LRRIQ4: variants seen among roughly 807,000 people sequenced by gnomAD.
LRRIQ4 encodes the protein leucine-rich repeat and IQ domain-containing protein 4.
Under a neutral mutation model 40.1 loss-of-function variants are expected in LRRIQ4, and 21 were observed. The observed-to-expected ratio is 0.52, with a 90% CI of 0.37 to 0.75. LRRIQ4 has a LOEUF of 0.75. LRRIQ4 is among the 30% of genes least tolerant of loss of function. The pLI is 0.00. For missense variants in LRRIQ4, 655 were observed against 660.0 expected (o/e 0.99, Z 0.08); for synonymous variants, 277 against 277.1 (o/e 1.00, Z 0.00).
rs1560614694 is a variant in LRRIQ4 at position 169,830,627 on chromosome 3, C to T, written c.1330C>T (p.Gln444Ter). 6.2e-7 allele frequency: 1 copy of T among 1,613,836 alleles called. No individual in the cohort carries two copies. The highest frequency in any genetic ancestry group is 8.5e-7 in the Non-Finnish European group (1 of 1,179,840). ...KQLPDAICQA[Q>*]ALKELRLEDN... Reference sequence around the variant, plus strand: ...ACTTCCAGATGCCATTTGCCAAGCACAAGGTGAGGAAACTTAGTAGATTCA... The same window carrying T: ...ACTTCCAGATGCCATTTGCCAAGCATAAGGTGAGGAAACTTAGTAGATTCA... The change falls in exon 4 of 6, where the codon CAA becomes TAA. Residue 444 changes from glutamine (Q) to a stop codon, truncating the protein, a stop_gained. Coordinates refer to ENST00000340806, the MANE Select transcript of LRRIQ4 (RefSeq NM_001080460.3). LOFTEE classifies it high-confidence loss of function.
At chr3:169,824,476 A>G (rs1779995607) in intron 2 of LRRIQ4, among the ~76,000 whole-genome samples, 1 of 151,910 alleles carries the variant, frequency 6.6e-6, no homozygotes, top group Admixed American at 6.6e-5. Flanking sequence ...ATTATTTTAT[A>G]ATATTCTATT....
At chr3:169,829,891 T>C (rs1327820638) in intron 3 of LRRIQ4, among the ~76,000 whole-genome samples, 1 of 152,256 alleles carries the variant, frequency 6.6e-6, no homozygotes, top group Non-Finnish European at 1.5e-5. Context: ...GTTCTCACTA[T>C]GACACAGGGT....
chr3:169,813,591 C>T (rs1208874606), intron 1 of LRRIQ4, among the ~76,000 whole-genome samples: 8 of 152,162 alleles, frequency 5.3e-5, no homozygotes, highest in African/African-American at 1.2e-4. Flanking sequence ...ACACCATAAA[C>T]GACTTTGTAA....
At chr3:169,830,377 GAAAAAAAAAAAAAAAAAAA>G (rs56795981) in intron 3 of LRRIQ4, 96 bp from the exon 4 acceptor site, 1,545 of 106,730 alleles carry the variant, frequency 0.014, 83 homozygotes, top group African/African-American at 0.082. Context: ...CACTGAAAGT[GAAAAAAAAAAAAAAAAAAA>G]AAAAAAAAAA....
In LRRIQ4 at chr3:169,833,129, G is replaced by A. The variant is rs2108185839; in HGVS notation, c.1476G>A (p.Glu492=). ...PPKEVCAEGN[E]AIWKYLKENR... ...AAGAAGTGTGTGCTGAAGGCAATGA[G>A]GCCATATGGAAATACCTCAAGGAAA... The change falls in exon 5 of 6, where the codon GAG becomes GAA. Residue 492 remains glutamate (E), a synonymous_variant. Transcript: ENST00000340806. 1.2e-6 allele frequency: 2 copies of A among 1,613,934 alleles called. No homozygotes were observed. The highest frequency in any genetic ancestry group is 2.2e-5 in the East Asian group (1 of 44,872).
intron 2 of LRRIQ4, among the ~76,000 whole-genome samples, chr3:169,825,732 T>G (rs77950876): frequency 0.069 from 10,525 of 152,296 alleles, 472 homozygotes; most frequent in Middle Eastern, 0.12. Flanking sequence ...ATACCAAGTT[T>G]TAGCACAAGT....
chr3:169,837,140 G>T (rs1351580812), intron 5 of LRRIQ4, among the ~76,000 whole-genome samples: 1 of 152,166 alleles, frequency 6.6e-6, no homozygotes, highest in Non-Finnish European at 1.5e-5. Flanking sequence ...ACTCTCCATA[G>T]CACTCATCAC....
In LRRIQ4 at chr3:169,822,926, C is replaced by T. The variant is rs368472770; in HGVS notation, c.1005C>T (p.Asp335=). ...LKNLEVLGLD[D]NKIGQLPSEL... ...ACCTTGAAGTCCTGGGACTGGATGACAATAAAATAGGACAGGTACGGATTC... is the reference window on the plus strand; with the variant it reads ...ACCTTGAAGTCCTGGGACTGGATGATAATAAAATAGGACAGGTACGGATTC... Residue 335 remains aspartate, a synonymous_variant, in exon 2 of 6, where the codon GAC becomes GAT. Transcript: ENST00000340806. 3 of 1,538,404 alleles carry T rather than the reference C, an allele frequency of 2.0e-6. No individual in the cohort carries two copies. The highest frequency in any genetic ancestry group is 2.6e-6 in the Non-Finnish European group (3 of 1,144,948).
Position 169,833,001 on chromosome 3 carries a change from C to A in LRRIQ4, c.1348C>A (p.Arg450=), listed in dbSNP as rs778830136. Residue 450 remains arginine (R), a synonymous_variant, in exon 5 of 6, where the codon CGG becomes AGG. Coordinates refer to ENST00000340806, the MANE Select transcript of LRRIQ4 (RefSeq NM_001080460.3). The part of the protein sequence containing the change: ...ICQAQALKEL[R]LEDNLLTHLP... Reference sequence around the variant, plus strand: ...AATCTTTTCAGCTTTGAAAGAATTACGGCTGGAGGACAACTTGCTCACCCA... The same window carrying A: ...AATCTTTTCAGCTTTGAAAGAATTAAGGCTGGAGGACAACTTGCTCACCCA... 2 of 1,610,146 alleles carry A rather than the reference C, an allele frequency of 1.2e-6. No individual in the cohort carries two copies. Among genetic ancestry groups the A allele is most frequent in the East Asian group, 2.2e-5 (1 of 44,862 alleles).
rs183204325 is a variant in LRRIQ4, at chr3:169,822,329, C to A, written c.408C>A (p.Val136=). Residue 136 remains valine, a synonymous_variant, in exon 2 of 6, where the codon GTC becomes GTA. Coordinates refer to ENST00000340806, the MANE Select transcript of LRRIQ4 (RefSeq NM_001080460.3). ...CCGACCTGAAGGAAATTCCCGTCGT[C>A]ATCTTTAAAAACCTCCACCATCTCG... ...YQTDLKEIPV[V]IFKNLHHLEL... 211 of 1,613,914 alleles carry A rather than the reference C, an allele frequency of 1.3e-4. 2 individuals are homozygous for A. In the African/African-American group the frequency reaches 2.6e-3, roughly 20 times the overall value.
At chr3:169,815,762 C>A (rs538060104) in intron 1 of LRRIQ4, among the ~76,000 whole-genome samples, 2 of 152,316 alleles carry the variant, frequency 1.3e-5, no homozygotes, top group South Asian at 4.1e-4. Context: ...CAGTATGATA[C>A]TACCTACGGG....
intron 1 of LRRIQ4, among the ~76,000 whole-genome samples, chr3:169,814,636 C>T (rs1162644437): frequency 6.6e-6 from 1 of 152,268 alleles, no homozygotes; most frequent in Non-Finnish European, 1.5e-5. Context: ...CAGGCGCCCC[C>T]CACTACGCCC....
chr3:169,824,910 C>T (rs1184128579), intron 2 of LRRIQ4, among the ~76,000 whole-genome samples: 1 of 152,016 alleles, frequency 6.6e-6, no homozygotes, highest in Non-Finnish European at 1.5e-5. Context: ...CAACTATAAT[C>T]AAATAATAGG....
chr3:169,822,964 T>A, intron 2 of LRRIQ4, 23 bp downstream of exon 2: 1 of 1,491,954 alleles, frequency 6.7e-7, no homozygotes. Flanking sequence ...TTTCTGGCTG[T>A]CACTATGCTC....
At chr3:169,814,517 G>T (rs1436221976) in intron 1 of LRRIQ4, among the ~76,000 whole-genome samples, 1 of 151,788 alleles carries the variant, frequency 6.6e-6, no homozygotes, top group Admixed American at 6.6e-5. Context: ...ACAGAGTCTC[G>T]CTCTGTGGTC....
At chr3:169,824,056 A>G (rs1779981537) in intron 2 of LRRIQ4, among the ~76,000 whole-genome samples, 2 of 152,216 alleles carry the variant, frequency 1.3e-5, no homozygotes, top group Non-Finnish European at 2.9e-5. Context: ...TTTTGAAATC[A>G]CACAAAACTA....
intron 1 of LRRIQ4, among the ~76,000 whole-genome samples, 97 bp downstream of exon 1, chr3:169,813,143 A>T (rs114194153): frequency 0.016 from 2,382 of 152,334 alleles, 67 homozygotes; most frequent in African/African-American, 0.054. Context: ...GTCTAGATCC[A>T]GCTGCTCCTG....
intron 1 of LRRIQ4, among the ~76,000 whole-genome samples, chr3:169,820,209 A>G (rs1311357951): frequency 6.6e-6 from 1 of 150,918 alleles, no homozygotes; most frequent in Non-Finnish European, 1.5e-5. Context: ...CAACCTTGCC[A>G]CTATCATGTC....
intron 2 of LRRIQ4, among the ~76,000 whole-genome samples, chr3:169,826,708 T>C (rs573163806): frequency 7.2e-5 from 11 of 152,292 alleles, no homozygotes; most frequent in Non-Finnish European, 1.6e-4. Context: ...GATTGAAAAA[T>C]CTTTTTTCAT....
Sources: gnomAD v4.1 joint callset for allele counts (sites outside exome capture counted in the v4.1 genomes callset) on GRCh38, gnomAD v4.1.1 for gene constraint, MANE v1.5 for transcripts, NCBI Gene and HGNC (gene_info 2026-07-23, HGNC 2026-07-21) for gene names.